The following PDE8B variants were observed in gnomAD, a reference collection of about 807,000 sequenced individuals.
The protein encoded by PDE8B is high affinity cAMP-specific and IBMX-insensitive 3',5'-cyclic phosphodiesterase 8B.
PDE8B carries 26 observed loss-of-function variants against 101.3 expected under a neutral mutation model. The ratio of observed to expected loss-of-function variants is 0.26; its 90% confidence interval spans 0.19 to 0.36. The LOEUF (loss-of-function observed/expected upper bound fraction) is 0.36. Ranked by LOEUF, PDE8B falls within the 10% of genes least tolerant of loss-of-function variation. The pLI, the probability that PDE8B is intolerant of heterozygous loss-of-function variation, is 1.00. For missense variants in PDE8B, 810 were observed against 1,163.1 expected (o/e 0.70, Z 4.42); for synonymous variants, 424 against 429.3 (o/e 0.99, Z 0.15).
At chr5:77,258,431 A>G (rs2149679112) in intron 1 of PDE8B, among the ~76,000 whole-genome samples, 1 of 152,112 alleles carries the variant, frequency 6.6e-6, no homozygotes, top group South Asian at 2.1e-4. Flanking sequence ...GAACCATTGT[A>G]AGGAGTTTGC....
At chr5:77,234,507 C>G (rs1246456963) in intron 1 of PDE8B, among the ~76,000 whole-genome samples, 1 of 152,116 alleles carries the variant, frequency 6.6e-6, no homozygotes, top group East Asian at 1.9e-4. Flanking sequence ...CTCGCATGTT[C>G]AAGAGGACTT....
chr5:77,227,275 C>T (rs1300054487), intron 1 of PDE8B, among the ~76,000 whole-genome samples: 1 of 152,192 alleles, frequency 6.6e-6, no homozygotes, highest in East Asian at 1.9e-4. Flanking sequence ...TTCTTATGTT[C>T]AATATAATTT....
At chr5:77,276,445 A>G (rs1306367892) in intron 1 of PDE8B, among the ~76,000 whole-genome samples, 1 of 152,218 alleles carries the variant, frequency 6.6e-6, no homozygotes, top group Non-Finnish European at 1.5e-5. Flanking sequence ...GCCACTTGTC[A>G]TAATCTGTCA....
At chr5:77,425,683 CA>C in intron 20 of PDE8B, 83 bp from the exon 21 acceptor site, 1 of 1,413,126 alleles carries the variant, frequency 7.1e-7, no homozygotes, top group Non-Finnish European at 1.0e-6. Context: ...GACCCATTTT[CA>C]CAGGGTTGTT....
intron 1 of PDE8B, among the ~76,000 whole-genome samples, chr5:77,272,354 T>G (rs1561450139): frequency 6.6e-6 from 1 of 152,250 alleles, no homozygotes; most frequent in Non-Finnish European, 1.5e-5. Context: ...TGTTCTAATA[T>G]TCTTAGCTAT....
At chr5:77,097,452 G>C in the PDE8B span, among the ~76,000 whole-genome samples, 9 of 151,600 alleles carry the variant, frequency 5.9e-5, no homozygotes, top group African/African-American at 2.2e-4. Flanking sequence ...ATGATTATTA[G>C]TAGACACAAT....
chr5:77,127,882 CTT>C, the PDE8B span, among the ~76,000 whole-genome samples: 2 of 152,212 alleles, frequency 1.3e-5, no homozygotes, highest in Admixed American at 1.3e-4. Flanking sequence ...AGGGTTCTAA[CTT>C]TGAAATAGGA....
At chr5:77,135,425 C>T in the PDE8B span, among the ~76,000 whole-genome samples, 1 of 151,156 alleles carries the variant, frequency 6.6e-6, no homozygotes, top group East Asian at 1.9e-4. Context: ...GTGCTGGACA[C>T]TTGGGAGACC....
the PDE8B span, among the ~76,000 whole-genome samples, chr5:77,109,927 G>GTTTTTTTTTTT: frequency 1.0e-4 from 7 of 67,264 alleles, 1 homozygote; most frequent in African/African-American, 2.9e-4. Flanking sequence ...TTGTATTTCA[G>GTTTTTTTTTTT]TTTTTTTTTT....
chr5:77,094,171 T>A, the PDE8B span, among the ~76,000 whole-genome samples: 1 of 152,198 alleles, frequency 6.6e-6, no homozygotes, highest in African/African-American at 2.4e-5. Context: ...TACATTTTAT[T>A]TCTCAACATA....
At chr5:77,424,995 CT>C (rs770558730) in intron 20 of PDE8B, among the ~76,000 whole-genome samples, 3 of 152,166 alleles carry the variant, frequency 2.0e-5, no homozygotes, top group East Asian at 3.9e-4. Flanking sequence ...TGGCCTGAAA[CT>C]TTTTTTAAGT....
the PDE8B span, among the ~76,000 whole-genome samples, chr5:77,194,969 GC>G: frequency 6.6e-6 from 1 of 152,212 alleles, no homozygotes; most frequent in Non-Finnish European, 1.5e-5. Context: ...GAGTGGAATT[GC>G]TGAGTCATAT....
intron 17 of PDE8B, among the ~76,000 whole-genome samples, chr5:77,414,977 A>T (rs1795245814): frequency 6.6e-6 from 1 of 152,222 alleles, no homozygotes; most frequent in Non-Finnish European, 1.5e-5. Flanking sequence ...ATTTCTTTAA[A>T]TTGTGAGTTC....
intron 1 of PDE8B, among the ~76,000 whole-genome samples, chr5:77,252,886 C>T (rs1758347472): frequency 6.6e-6 from 1 of 152,150 alleles, no homozygotes; most frequent in Non-Finnish European, 1.5e-5. Context: ...AGATAATTTT[C>T]TATTTCGACC....
intron 1 of PDE8B, among the ~76,000 whole-genome samples, chr5:77,299,534 G>T (rs1202207679): frequency 6.8e-6 from 1 of 147,036 alleles, no homozygotes; most frequent in Non-Finnish European, 1.5e-5. Flanking sequence ...TTGGTTTTTT[G>T]TCCTTGCGAT....
intron 6 of PDE8B, among the ~76,000 whole-genome samples, chr5:77,342,366 G>C (rs1779358377): frequency 6.6e-6 from 1 of 152,076 alleles, no homozygotes; most frequent in Non-Finnish European, 1.5e-5. Context: ...GGCCATTGAA[G>C]ACAAAAAGTT....
intron 1 of PDE8B, among the ~76,000 whole-genome samples, chr5:77,244,309 G>C (rs1204218528): frequency 6.6e-6 from 1 of 152,128 alleles, no homozygotes; most frequent in Non-Finnish European, 1.5e-5. Flanking sequence ...GAGCAACAGG[G>C]CCCTCAGCCA....
At chr5:77,316,197 G>A (rs1299521315) in intron 2 of PDE8B, among the ~76,000 whole-genome samples, 5 of 151,644 alleles carry the variant, frequency 3.3e-5, no homozygotes, top group Non-Finnish European at 7.4e-5. Flanking sequence ...CTCTAATATA[G>A]GTATACTTCT....
At chr5:77,151,256 C>T in the PDE8B span, 1 of 152,358 alleles carries the variant, frequency 6.6e-6, no homozygotes, top group African/African-American at 2.4e-5. Context: ...GCAGAGGATT[C>T]TGGGAAGGTC....
Sources: allele counts gnomAD v4.1 joint callset (sites outside exome capture counted in the v4.1 genomes callset), GRCh38; gene constraint gnomAD v4.1.1; transcripts MANE v1.5; gene names NCBI Gene and HGNC (gene_info 2026-07-23, HGNC 2026-07-21).